NABP2: variants seen among roughly 807,000 people sequenced by gnomAD.
NABP2 encodes the protein SOSS complex subunit B1.
Under a neutral mutation model 22.7 loss-of-function variants are expected in NABP2, and 7 were observed. That is an observed-to-expected ratio of 0.31 (90% CI 0.18 to 0.58). The LOEUF is 0.58. NABP2 is among the 20% of genes least tolerant of loss of function. NABP2 has a pLI of 0.89. For missense variants in NABP2, 188 were observed against 265.9 expected (o/e 0.71, Z 2.04); for synonymous variants, 107 against 99.2 (o/e 1.08, Z -0.47).
At position 56,229,645 on chromosome 12, in the gene NABP2, A is replaced by G. The variant is rs1870020949; in HGVS notation, c.*432A>G. 6.0e-6 allele frequency: 1 copy of G among 166,004 alleles called. No individual in the cohort carries two copies. The highest frequency in any genetic ancestry group is 1.3e-5 in the Non-Finnish European group (1 of 76,708). The allele number at this position is 166,004 out of a possible 1,614,324, so 10.3% of individuals were successfully genotyped here. A position where few individuals can be genotyped will look rare whatever the true frequency, so the allele number is the denominator to read the frequency against. ...GCTACTTAGGAGGCTGAGGCAGGAG[A>G]ATCTCTTGAAACCGGGAGGCGGAGG... On this transcript the variant is annotated 3_prime_UTR_variant, in exon 7 of 7. Coordinates refer to ENST00000267023, the MANE Select transcript of NABP2 (RefSeq NM_024068.4).
In NABP2 at chr12:56,226,375, C is replaced by T; in HGVS notation, c.392C>T (p.Pro131Leu). 6.2e-7 allele frequency: 1 copy of T among 1,613,806 alleles called. No homozygotes were observed. Among genetic ancestry groups the T allele is most frequent in the Non-Finnish European group, 8.5e-7 (1 of 1,180,010 alleles). ...PNKAVQNDSN[P>L]SASQPTTGPS... The stretch of plus-strand genomic sequence containing the variant: ...CTTCAGGTGCAGAACGACAGCAACC[C>T]TTCAGCTTCCCAGCCTACCACTGGA... The change falls in exon 6 of 7, where the codon CCT becomes CTT. Residue 131 changes from proline to leucine, a missense_variant. Pro to Leu is a moderately conservative substitution (Grantham distance 98, BLOSUM62 -3). Coordinates refer to ENST00000267023, the MANE Select transcript of NABP2 (RefSeq NM_024068.4).
chr12:56,226,526 G>A (rs1869773452), intron 6 of NABP2, 107 bp downstream of exon 6: 1 of 616,446 alleles, frequency 1.6e-6, no homozygotes, highest in Non-Finnish European at 2.8e-6. Context: ...TTTTCTCAGT[G>A]TATCCTCCTT....
upstream of NABP2, among the ~76,000 whole-genome samples, chr12:56,222,632 G>A (rs1869548027): frequency 6.6e-6 from 1 of 152,156 alleles, no homozygotes; most frequent in African/African-American, 2.4e-5. Context: ...GGGATCCAAG[G>A]GAAGTCAATG....
At position 56,229,506 on chromosome 12, in the gene NABP2, G is replaced by T; in HGVS notation, c.*293G>T. On this transcript the variant is annotated 3_prime_UTR_variant, in exon 7 of 7. Coordinates refer to ENST00000267023, the MANE Select transcript of NABP2 (RefSeq NM_024068.4). ...TCCCAGCACTTTGGGAAGCCGAGGT[G>T]GGCGGATCACCTGAGGTCGGGAGTT... 2.7e-6 allele frequency: 1 copy of T among 375,830 alleles called. No individual in the cohort carries two copies. Among genetic ancestry groups the T allele is most frequent in the East Asian group, 6.1e-5 (1 of 16,468 alleles). 23.3% of individuals were successfully genotyped at this position (375,830 alleles called of 1,614,324 possible). A position where few individuals can be genotyped will look rare whatever the true frequency, so the allele number is the denominator to read the frequency against.
At chr12:56,228,934 T>C (rs1005044246) in intron 6 of NABP2, 80 bp from the exon 7 acceptor site, 50 of 1,323,104 alleles carry the variant, frequency 3.8e-5, no homozygotes, top group Middle Eastern at 3.8e-4. Flanking sequence ...TGCCACTCTT[T>C]GGGGCATGGA....
Position 56,229,238 on chromosome 12 carries a change from C to G in NABP2, c.*25C>G. ...GCATGACATTCTTTCTTCCTGCCAC[C>G]AACCACATCCCAAGTGTCCCCTGGA... On this transcript the variant is annotated 3_prime_UTR_variant, in exon 7 of 7. Transcript: ENST00000267023. 6.2e-7 allele frequency: 1 copy of G among 1,610,970 alleles called. No individual in the cohort carries two copies. The highest frequency in any genetic ancestry group is 8.5e-7 in the Non-Finnish European group (1 of 1,179,264).
At chr12:56,225,226 C>T (rs1382492146) in intron 2 of NABP2, 147 bp from the exon 3 acceptor site, 1 of 1,122,906 alleles carries the variant, frequency 8.9e-7, no homozygotes. Flanking sequence ...TTCCACAATC[C>T]CAACCCTTTA....
chr12:56,224,616 C>A, intron 1 of NABP2, 175 bp downstream of exon 1: 1 of 1,190,188 alleles, frequency 8.4e-7, no homozygotes, highest in Non-Finnish European at 1.1e-6. Flanking sequence ...AGCATCCCGG[C>A]AGGGGGCCTT....
chr12:56,226,533 CCTT>C (rs1869773815), intron 6 of NABP2, 114 bp downstream of exon 6: 1 of 831,588 alleles, frequency 1.2e-6, no homozygotes, highest in Admixed American at 2.3e-5. Context: ...AGTGTATCCT[CCTT>C]CACCCAATTC....
intron 6 of NABP2, 60 bp downstream of exon 6, chr12:56,226,479 A>G (rs1362412644): frequency 6.9e-7 from 1 of 1,455,048 alleles, no homozygotes; most frequent in Admixed American, 1.7e-5. Context: ...CTCAGCCTAG[A>G]AAGATGCATT....
chr12:56,229,751 AAGAAAG>A lies in NABP2; in HGVS notation c.*540_*545del, dbSNP rs1014152445. ...CTCCATCTCAAAAAAAAAAGAAAGAAAGAAAGAAAGAAAGAAAGAAATGGCAGTTAC... is the reference window on the plus strand; with the variant it reads ...CTCCATCTCAAAAAAAAAAGAAAGAAAAAGAAAGAAAGAAATGGCAGTTAC... On this transcript the variant is annotated 3_prime_UTR_variant, in exon 7 of 7. Coordinates refer to ENST00000267023, the MANE Select transcript of NABP2 (RefSeq NM_024068.4). 2.6e-5 allele frequency: 4 copies of A among 154,734 alleles called. No homozygotes were observed. The highest frequency in any genetic ancestry group is 9.7e-5 in the African/African-American group (4 of 41,350). 9.6% of individuals were successfully genotyped at this position (154,734 alleles called of 1,614,324 possible).
rs1337579758 is a variant in NABP2, at chr12:56,224,848, T to C, written c.-9T>C. The C allele has an allele frequency of 6.2e-7, 1 of 1,613,464 alleles. No homozygotes were observed. The highest frequency in any genetic ancestry group is 2.2e-5 in the East Asian group (1 of 44,872). On this transcript the variant is annotated 5_prime_UTR_variant, in exon 2 of 7. Transcript: ENST00000267023. ...TCCCCATCCAGTGGGGTGCCGAGGCTCAGGCAGCATGACGACGGAGACCTT... is the reference window on the plus strand; with the variant it reads ...TCCCCATCCAGTGGGGTGCCGAGGCCCAGGCAGCATGACGACGGAGACCTT...
rs976646168 is a variant in NABP2, at chr12:56,227,018, C to T, written c.436+599C>T. 3.3e-5 allele frequency among the ~76,000 whole-genome samples: 5 copies of T among 151,442 alleles called. No homozygotes were observed. The East Asian group carries it at 9.9e-4, about 30-fold the overall frequency. On this transcript the variant is annotated intron_variant, in intron 6 of 6. Coordinates refer to ENST00000267023, the MANE Select transcript of NABP2 (RefSeq NM_024068.4). ...GGATTACAGGCGTGAGCCACCGCGC[C>T]CAGCCATGGGCTGCAGATATCTTAG...
chr12:56,224,534 T>C, intron 1 of NABP2, 93 bp downstream of exon 1: 1 of 1,167,694 alleles, frequency 8.6e-7, no homozygotes. Flanking sequence ...AAGATTCTAC[T>C]CCCTGGCTGT....
chr12:56,227,276 C>T (rs1406858341), intron 6 of NABP2, among the ~76,000 whole-genome samples: 7 of 150,640 alleles, frequency 4.6e-5, no homozygotes, highest in East Asian at 2.0e-4. Context: ...CTTGGGAGGC[C>T]GAGGCAGGCG....
At chr12:56,225,721 TGAA>T in intron 4 of NABP2, 26 bp downstream of exon 4, 1 of 1,612,970 alleles carries the variant, frequency 6.2e-7, no homozygotes, top group African/African-American at 1.3e-5. Flanking sequence ...GGGATTGGGA[TGAA>T]GAAGCACCAG....
intron 2 of NABP2, 93 bp downstream of exon 2, chr12:56,225,028 C>T (rs1869697868): frequency 3.1e-6 from 3 of 959,224 alleles, no homozygotes; most frequent in Non-Finnish European, 4.9e-6. Flanking sequence ...ATGGGGATGG[C>T]AAGGCAAGCT....
chr12:56,226,071 G>A (rs1869746237), intron 4 of NABP2, 108 bp from the exon 5 acceptor site: 5 of 967,078 alleles, frequency 5.2e-6, no homozygotes, highest in Non-Finnish European at 8.2e-6. Flanking sequence ...CAAAGTGCTA[G>A]GATTACAGGT....
chr12:56,224,600 T>C (rs1445836394), intron 1 of NABP2, 159 bp downstream of exon 1: 1 of 1,228,816 alleles, frequency 8.1e-7, no homozygotes, highest in Non-Finnish European at 1.1e-6. Flanking sequence ...GGCTTGAGAC[T>C]AAAAGAGCAT....
Sources: allele counts gnomAD v4.1 joint callset (sites outside exome capture counted in the v4.1 genomes callset), GRCh38; gene constraint gnomAD v4.1.1; transcripts MANE v1.5; gene names NCBI Gene and HGNC (gene_info 2026-07-23, HGNC 2026-07-21).